SLC35E2B: variants seen among roughly 807,000 people sequenced by gnomAD.
The protein encoded by SLC35E2B is solute carrier family 35 member E2B.
In SLC35E2B, 18 loss-of-function variants were observed where a neutral mutation model predicts 32.4. The observed-to-expected ratio is 0.56, with a 90% CI of 0.38 to 0.82. The LOEUF (loss-of-function observed/expected upper bound fraction) is 0.82, where lower values mean the gene tolerates loss of function less well. Among genes scored for constraint, SLC35E2B ranks in the 40% least tolerant of loss-of-function variants. The probability of loss-of-function intolerance (pLI) is 0.00; values close to 1 mark genes in which losing one functional copy is unlikely to be tolerated. For missense variants in SLC35E2B, 263 were observed against 469.5 expected (o/e 0.56, Z 4.06); for synonymous variants, 132 against 209.1 (o/e 0.63, Z 3.18).
chr1:1,663,825 C>A lies in SLC35E2B; in HGVS notation c.*1957G>T, dbSNP rs1643470028. The A allele has an allele frequency of 1.1e-6, 1 of 912,452 alleles. No homozygotes were observed. The highest frequency in any genetic ancestry group is 1.8e-5 in the African/African-American group (1 of 56,752). 56.5% of individuals were successfully genotyped at this position (912,452 alleles called of 1,614,324 possible). ...AGAAATGGAAATCCGGGGAAAGTCA[C>A]GTGACAAAACATCTTCGCAGCGCAG... On this transcript the variant is annotated 3_prime_UTR_variant, in exon 10 of 10. Transcript: ENST00000617444.
Position 1,669,742 on chromosome 1 carries a change from G to A in SLC35E2B, c.762-6C>T. ...AGAACTGCAGCTCCGGGGCCCTGTG[G>A]GTGACAGAACACGCTGGGCCCCCCG... is the stretch of plus-strand genomic sequence containing the variant. On this transcript the variant is annotated splice_polypyrimidine_tract_variant and splice_region_variant and intron_variant, in intron 7 of 9. Coordinates refer to ENST00000617444, the MANE Select transcript of SLC35E2B (RefSeq NM_001290264.2). The A allele has an allele frequency of 1.3e-6, 2 of 1,547,838 alleles. No individual in the cohort carries two copies. Among genetic ancestry groups the A allele is most frequent in the African/African-American group, 1.4e-5 (1 of 73,000 alleles).
At chr1:1,678,856 G>A (rs891129688) in intron 2 of SLC35E2B, among the ~76,000 whole-genome samples, 3 of 152,208 alleles carry the variant, frequency 2.0e-5, no homozygotes, top group Admixed American at 1.3e-4. Context: ...GAGACTTTGT[G>A]CCAGTTTCCC....
At chr1:1,687,235 C>T (rs756639893) in intron 2 of SLC35E2B, among the ~76,000 whole-genome samples, 1 of 152,140 alleles carries the variant, frequency 6.6e-6, no homozygotes, top group South Asian at 2.1e-4. Flanking sequence ...ACAGTCACAC[C>T]TGCACAGCGC....
Position 1,686,549 on chromosome 1 carries a change from C to T in SLC35E2B, c.-148+4427G>A, listed in dbSNP as rs566715275. 3.3e-5 allele frequency among the ~76,000 whole-genome samples: 5 copies of T among 151,670 alleles called. No homozygotes were observed. In the South Asian group the frequency reaches 8.3e-4, roughly 25 times the overall value. ...CTGTGATCCCAGCACTTTGGGAGGC[C>T]GAGGCGGGTGGATCACCTGAGGTCA... is the stretch of plus-strand genomic sequence containing the variant. On this transcript the variant is annotated intron_variant, in intron 2 of 9. Transcript: ENST00000617444.
At chr1:1,688,165 G>A (rs1179256405) in intron 2 of SLC35E2B, among the ~76,000 whole-genome samples, 1 of 152,066 alleles carries the variant, frequency 6.6e-6, no homozygotes, top group Admixed American at 6.6e-5. Context: ...GCTGATGAAC[G>A]AATGGCAAAG....
intron 2 of SLC35E2B, among the ~76,000 whole-genome samples, chr1:1,684,232 C>A (rs1643925410): frequency 1.3e-5 from 2 of 152,210 alleles, no homozygotes; most frequent in South Asian, 4.1e-4. Context: ...CGTGCTGACA[C>A]CCACATCAGT....
intron 2 of SLC35E2B, among the ~76,000 whole-genome samples, chr1:1,681,715 G>A (rs1040459101): frequency 2.0e-5 from 3 of 149,036 alleles, no homozygotes; most frequent in African/African-American, 7.3e-5. Context: ...GCCGGGCGTG[G>A]TGGCTCACGC....
chr1:1,680,067 C>T (rs1019048845), intron 2 of SLC35E2B, among the ~76,000 whole-genome samples: 2 of 151,634 alleles, frequency 1.3e-5, no homozygotes, highest in Non-Finnish European at 2.9e-5. Context: ...GCGGAGGTTG[C>T]GGTGAGCCGA....
In SLC35E2B at chr1:1,692,777, G is replaced by T. The variant is rs1644032059; in HGVS notation, c.-894C>A. ...ACAACGCCCCCGCGGCTGCCCGTTG[G>T]TTCCGCCCGGGCCGTTCTACTCCAG... On this transcript the variant is annotated 5_prime_UTR_variant, in exon 1 of 10. Coordinates refer to ENST00000617444, the MANE Select transcript of SLC35E2B (RefSeq NM_001290264.2). 23 of 984,368 alleles carry T rather than the reference G, an allele frequency of 2.3e-5. No homozygotes were observed. Among genetic ancestry groups the T allele is most frequent in the Non-Finnish European group, 2.8e-5 (23 of 829,366 alleles). 61.0% of individuals were successfully genotyped at this position (984,368 alleles called of 1,614,324 possible).
intron 2 of SLC35E2B, among the ~76,000 whole-genome samples, chr1:1,687,328 G>A (rs1643964179): frequency 1.3e-5 from 2 of 152,188 alleles, no homozygotes; most frequent in African/African-American, 4.8e-5. Flanking sequence ...TGTAATCCTA[G>A]CACTTTGGGA....
At position 1,663,362 on chromosome 1, in the gene SLC35E2B, A is replaced by C; in HGVS notation, c.*2420T>G. 1.0e-6 allele frequency: 1 copy of C among 963,380 alleles called. No individual in the cohort carries two copies. Among genetic ancestry groups the C allele is most frequent in the Non-Finnish European group, 1.2e-6 (1 of 810,296 alleles). 59.7% of individuals were successfully genotyped at this position (963,380 alleles called of 1,614,324 possible). A position where few individuals can be genotyped will look rare whatever the true frequency, so the allele number is the denominator to read the frequency against. ...CCTTATGCCAGACCACAATCTTCAA[A>C]GAGGCCGGCAGCCACATTCTCGACG... On this transcript the variant is annotated 3_prime_UTR_variant, in exon 10 of 10. Transcript: ENST00000617444.
chr1:1,667,676 C>T (rs1643581570), intron 9 of SLC35E2B, among the ~76,000 whole-genome samples: 3 of 152,144 alleles, frequency 2.0e-5, no homozygotes, highest in African/African-American at 7.2e-5. Context: ...CTGCACTGGA[C>T]AGCCCAGAAG....
At chr1:1,667,202 C>A (rs1247633168) in intron 9 of SLC35E2B, among the ~76,000 whole-genome samples, 3 of 144,052 alleles carry the variant, frequency 2.1e-5, no homozygotes, top group Non-Finnish European at 4.5e-5. Flanking sequence ...GTCAGGAGAT[C>A]GAGACCATCC....
chr1:1,690,733 T>C (rs1644008927), intron 2 of SLC35E2B, among the ~76,000 whole-genome samples: 1 of 69,864 alleles, frequency 1.4e-5, no homozygotes. Context: ...AGACTCCGTC[T>C]CAAAAAGTAA....
intron 2 of SLC35E2B, among the ~76,000 whole-genome samples, chr1:1,689,224 G>C (rs1285955145): frequency 1.3e-5 from 2 of 152,088 alleles, no homozygotes; most frequent in Non-Finnish European, 2.9e-5. Context: ...ACCACGAGTT[G>C]CTGAAGAAGG....
In SLC35E2B at chr1:1,671,556, G is replaced by A. The variant is rs1317119318; in HGVS notation, c.660C>T (p.Phe220=). 2.8e-5 allele frequency: 44 copies of A among 1,549,680 alleles called. No individual in the cohort carries two copies. Among genetic ancestry groups the A allele is most frequent in the Non-Finnish European group, 3.8e-5 (43 of 1,146,168 alleles). ...LALCTATEIS[F]NVLGFSAALS... ...GTGCGGCCGAGAACCCCAGGACATT[G>A]AAGCTGATCTCAGTGGCCGTGCACA... is the stretch of plus-strand genomic sequence containing the variant. The change falls in exon 6 of 10, where the codon TTC becomes TTT. Residue 220 remains phenylalanine, a synonymous_variant. Coordinates refer to ENST00000617444, the MANE Select transcript of SLC35E2B (RefSeq NM_001290264.2).
rs1448463778 is a variant in SLC35E2B at position 1,670,117 on chromosome 1, C to T, written c.742G>A (p.Gly248Arg). ...ACTTACGAGAACCTGTATTTGTCCCCGCTGAGCAGCTTTTTTGAAAAAACA... is the reference window on the plus strand; with the variant it reads ...ACTTACGAGAACCTGTATTTGTCCCTGCTGAGCAGCTTTTTTGAAAAAACA... ...QNVFSKKLLS[G>R]DKYRFSAPEL... is the part of the protein sequence containing the mutation. The change falls in exon 7 of 10, where the codon GGG becomes AGG. Residue 248 changes from glycine to arginine, a missense_variant. This residue lies in a region of SLC35E2B where 129 missense variants were observed against 164.5 expected (regional missense o/e 0.78). Coordinates refer to ENST00000617444, the MANE Select transcript of SLC35E2B (RefSeq NM_001290264.2). 3 of 1,551,806 alleles carry T rather than the reference C, an allele frequency of 1.9e-6. No individual in the cohort carries two copies. Among genetic ancestry groups the T allele is most frequent in the South Asian group, 1.2e-5 (1 of 84,034 alleles).
chr1:1,685,633 C>A (rs752009998), intron 2 of SLC35E2B, among the ~76,000 whole-genome samples: 2 of 151,882 alleles, frequency 1.3e-5, no homozygotes, highest in Non-Finnish European at 2.9e-5. Context: ...AAATGGAACA[C>A]GAACACGAAT....
intron 5 of SLC35E2B, among the ~76,000 whole-genome samples, chr1:1,674,634 AAAAAAAAAAAAAC>A (rs1643792874): frequency 1.6e-5 from 1 of 63,384 alleles, no homozygotes; most frequent in African/African-American, 3.3e-5. Context: ...TAAAAAAAAC[AAAAAAAAAAAAAC>A]AAAAAAAAAC....
Sources: allele counts gnomAD v4.1 joint callset (sites outside exome capture counted in the v4.1 genomes callset), GRCh38; gene constraint gnomAD v4.1.1; regional missense constraint gnomAD v4.1.1; transcripts MANE v1.5; gene names NCBI Gene and HGNC (gene_info 2026-07-23, HGNC 2026-07-21).